The following NELL1 variants were observed in gnomAD, a reference collection of about 807,000 sequenced individuals.
NELL1 encodes the protein protein kinase C-binding protein NELL1.
Under a neutral mutation model 107.4 loss-of-function variants are expected in NELL1, and 76 were observed. The ratio of observed to expected loss-of-function variants is 0.71; its 90% CI spans 0.59 to 0.86. The LOEUF is 0.86. Ranked by LOEUF, NELL1 falls within the 40% of genes least tolerant of loss-of-function variation. The probability of loss-of-function intolerance (pLI) is 0.00; values close to 1 mark genes in which losing one functional copy is unlikely to be tolerated. For missense variants in NELL1, 1,024 were observed against 1,005.5 expected (o/e 1.02, Z -0.25); for synonymous variants, 353 against 341.2 (o/e 1.03, Z -0.38).
At chr11:21,447,032 T>C (rs1031018262) in intron 15 of NELL1, among the ~76,000 whole-genome samples, 1 of 152,176 alleles carries the variant, frequency 6.6e-6, no homozygotes, top group African/African-American at 2.4e-5. Context: ...CAGGCAGAAG[T>C]GTCTCTTCCC....
chr11:21,520,125 C>G (rs144410635), intron 15 of NELL1, among the ~76,000 whole-genome samples: 16 of 152,182 alleles, frequency 1.1e-4, no homozygotes, highest in African/African-American at 3.6e-4. Flanking sequence ...ATTTCTTCCG[C>G]CAATACATCC....
rs532305999 is a variant in NELL1, at chr11:21,238,270, C to G, written c.1549+8816C>G. Among the ~76,000 whole-genome samples, 6 of 152,136 alleles carry G rather than the reference C, an allele frequency of 3.9e-5. No individual in the cohort carries two copies. The East Asian group carries it at 1.2e-3, about 29-fold the overall frequency. On this transcript the variant is annotated intron_variant, in intron 14 of 19. Coordinates refer to ENST00000357134, the MANE Select transcript of NELL1 (RefSeq NM_006157.5). Reference sequence around the variant, plus strand: ...CAGAATATCACAAATACAACTATTTCTTTTCATTTCCATAACTTTGCTTTA... The same window carrying G: ...CAGAATATCACAAATACAACTATTTGTTTTCATTTCCATAACTTTGCTTTA...
intron 15 of NELL1, among the ~76,000 whole-genome samples, chr11:21,502,874 A>T (rs11824871): frequency 0.087 from 13,247 of 152,086 alleles, 865 homozygotes; most frequent in East Asian, 0.29. Flanking sequence ...TTTTTAAAAA[A>T]TTTTTATTTA....
Position 20,955,190 on chromosome 11 carries a change from C to G in NELL1, c.1172-5242C>G, listed in dbSNP as rs116645429. On this transcript the variant is annotated intron_variant, in intron 11 of 19. Coordinates refer to ENST00000357134, the MANE Select transcript of NELL1 (RefSeq NM_006157.5). ...TAGTTTTAATGATTATTGTAAGCCT[C>G]TCAAGCCCTTATAGAAGTGTTGTCA... Among the ~76,000 whole-genome samples, 1,219 of 152,312 alleles carry G rather than the reference C, an allele frequency of 8.0e-3. 15 individuals are homozygous for G. Among genetic ancestry groups the G allele is most frequent in the African/African-American group, 0.028 (1,160 of 41,566 alleles).
Position 21,514,456 on chromosome 11 carries a change from T to C in NELL1, c.1646-19918T>C, listed in dbSNP as rs369742023. ...CTAAATCTGTCAAGTATGAGTAAAG[T>C]GAGCCAGATATGGACTGCTCTGCAG... On this transcript the variant is annotated intron_variant, in intron 15 of 19. Coordinates refer to ENST00000357134, the MANE Select transcript of NELL1 (RefSeq NM_006157.5). Among the ~76,000 whole-genome samples, 67 of 152,326 alleles carry C rather than the reference T, an allele frequency of 4.4e-4. 1 individual carries two copies. The South Asian group carries it at 0.014, about 31-fold the overall frequency.
chr11:21,250,979 G>A (rs1565130893), intron 14 of NELL1, among the ~76,000 whole-genome samples: 2 of 152,124 alleles, frequency 1.3e-5, no homozygotes, highest in Admixed American at 6.5e-5. Flanking sequence ...GCCCCACTAC[G>A]TTCTTGTGGC....
chr11:21,348,479 G>C (rs891720028), intron 14 of NELL1, among the ~76,000 whole-genome samples: 1 of 151,994 alleles, frequency 6.6e-6, no homozygotes, highest in Non-Finnish European at 1.5e-5. Context: ...AATGTGTCTG[G>C]TGCTTTACCA....
intron 14 of NELL1, among the ~76,000 whole-genome samples, chr11:21,358,615 C>A (rs1221177392): frequency 1.7e-5 from 2 of 116,626 alleles, no homozygotes; most frequent in Non-Finnish European, 3.5e-5. Flanking sequence ...TGGGGTTTTG[C>A]CATATTGGTC....
intron 12 of NELL1, among the ~76,000 whole-genome samples, chr11:21,066,614 T>G (rs1853877573): frequency 6.6e-6 from 1 of 152,148 alleles, no homozygotes; most frequent in African/African-American, 2.4e-5. Flanking sequence ...ATGCCTATCT[T>G]TCAGGAAGTA....
intron 15 of NELL1, among the ~76,000 whole-genome samples, chr11:21,389,276 A>G (rs79295843): frequency 4.0e-5 from 6 of 151,796 alleles, no homozygotes; most frequent in African/African-American, 1.2e-4. Flanking sequence ...TGGGATGTCC[A>G]TCTATGGCAA....
chr11:21,002,497 AG>A (rs1009870582), intron 12 of NELL1, among the ~76,000 whole-genome samples: 2 of 152,190 alleles, frequency 1.3e-5, no homozygotes, highest in Non-Finnish European at 2.9e-5. Flanking sequence ...AGCTTTAATC[AG>A]AAAAATAAAG....
intron 3 of NELL1, among the ~76,000 whole-genome samples, chr11:20,804,318 C>T (rs911459363): frequency 2.0e-5 from 3 of 152,154 alleles, no homozygotes; most frequent in Non-Finnish European, 2.9e-5. Flanking sequence ...TCACTGCAAC[C>T]TCTGCCTCCT....
chr11:20,972,037 G>C (rs1851512336), intron 12 of NELL1, among the ~76,000 whole-genome samples: 1 of 144,770 alleles, frequency 6.9e-6, no homozygotes, highest in African/African-American at 2.9e-5. Context: ...GAGCGGGGTG[G>C]GGGGCAAGGG....
chr11:21,365,377 C>G (rs563880974), intron 14 of NELL1, among the ~76,000 whole-genome samples: 2 of 152,084 alleles, frequency 1.3e-5, no homozygotes, highest in Non-Finnish European at 2.9e-5. Flanking sequence ...GTGCAAACTT[C>G]GATAACTTAT....
chr11:21,269,851 T>G (rs575307180), intron 14 of NELL1, among the ~76,000 whole-genome samples: 2 of 152,244 alleles, frequency 1.3e-5, no homozygotes, highest in South Asian at 4.1e-4. Context: ...AACAATGTAT[T>G]CGATTATATA....
chr11:20,752,549 C>A (rs1856165250), intron 2 of NELL1, among the ~76,000 whole-genome samples: 1 of 152,112 alleles, frequency 6.6e-6, no homozygotes, highest in South Asian at 2.1e-4. Context: ...AACTCCATCT[C>A]TAAATAAATA....
intron 14 of NELL1, among the ~76,000 whole-genome samples, chr11:21,342,155 C>A (rs1438947341): frequency 1.3e-5 from 2 of 152,120 alleles, no homozygotes; most frequent in Non-Finnish European, 2.9e-5. Context: ...AATGATAAAA[C>A]CCTCATTCCT....
At chr11:21,227,888 T>C (rs1189667472) in intron 13 of NELL1, among the ~76,000 whole-genome samples, 1 of 152,168 alleles carries the variant, frequency 6.6e-6, no homozygotes, top group Non-Finnish European at 1.5e-5. Context: ...CAGTCCTATT[T>C]TGTAGGATTT....
chr11:20,798,486 A>G (rs1292022127), intron 3 of NELL1, among the ~76,000 whole-genome samples: 3 of 143,614 alleles, frequency 2.1e-5, no homozygotes, highest in Non-Finnish European at 4.6e-5. Flanking sequence ...TTTAAGCTCA[A>G]TGGAATTCTC....
Sources: gnomAD v4.1 joint callset for allele counts (sites outside exome capture counted in the v4.1 genomes callset) on GRCh38, gnomAD v4.1.1 for gene constraint, MANE v1.5 for transcripts, NCBI Gene and HGNC (gene_info 2026-07-23, HGNC 2026-07-21) for gene names.